The following EPHB2 variants were observed in gnomAD, a reference collection of about 807,000 sequenced individuals.
EPHB2 encodes ephrin type-B receptor 2.
EPHB2 carries 18 observed loss-of-function variants against 96.4 expected under a neutral mutation model. The ratio of observed to expected loss-of-function variants is 0.19; its 90% CI spans 0.13 to 0.28. EPHB2 has a LOEUF of 0.28. Ranked by LOEUF, EPHB2 falls within the 10% of genes least tolerant of loss-of-function variation. The pLI, the probability that EPHB2 is intolerant of heterozygous loss-of-function variation, is 1.00. For synonymous variants in EPHB2, 506 were observed against 534.1 expected (o/e 0.95, Z 0.72); for missense variants, 989 against 1,355.4 (o/e 0.73, Z 4.25).
At chr1:22,847,371 A>G (rs1022505619) in intron 3 of EPHB2, among the ~76,000 whole-genome samples, 1 of 152,206 alleles carries the variant, frequency 6.6e-6, no homozygotes, top group African/African-American at 2.4e-5. Flanking sequence ...GATAACTTAT[A>G]TGAAGCCTGG....
In EPHB2 at chr1:22,860,563, G is replaced by A. The variant is rs910343046; in HGVS notation, c.812-2474G>A. 5.3e-5 allele frequency among the ~76,000 whole-genome samples: 8 copies of A among 152,234 alleles called. No individual in the cohort carries two copies. The highest frequency in any genetic ancestry group is 1.7e-4 in the African/African-American group (7 of 41,534). On this transcript the variant is annotated intron_variant, in intron 3 of 15. Transcript: ENST00000374630. This position sits in a 1 kb window ranked among gnomAD's most constrained non-coding sequence, Gnocchi z 4.6. ...GGGCAGCCAGAAAGGCAGTCCAGATGGAGAGGCTGGCACCGCACAGAGGGG... is the reference window on the plus strand; with the variant it reads ...GGGCAGCCAGAAAGGCAGTCCAGATAGAGAGGCTGGCACCGCACAGAGGGG...
At chr1:22,766,575 C>T (rs1644310184) in intron 1 of EPHB2, among the ~76,000 whole-genome samples, 1 of 152,112 alleles carries the variant, frequency 6.6e-6, no homozygotes, top group South Asian at 2.1e-4. Flanking sequence ...TTACTATTCC[C>T]ATTTCCCAGA....
At chr1:22,843,778 T>A (rs1645502312) in intron 3 of EPHB2, among the ~76,000 whole-genome samples, 1 of 152,248 alleles carries the variant, frequency 6.6e-6, no homozygotes, top group South Asian at 2.1e-4. Context: ...TGACCTCAAG[T>A]GATCTGCCCA....
chr1:22,860,847 GAAGCTCTGGGC>G lies in EPHB2; in HGVS notation c.812-2188_812-2178del, dbSNP rs2148520916. ...GCAGCCTGCATGTCCTGACTGCCCA[GAAGCTCTGGGC>G]AGTGCCAAGATGGTGAGGCTGCCCC... On this transcript the variant is annotated intron_variant, in intron 3 of 15. Transcript: ENST00000374630. This position sits in a 1 kb window ranked among gnomAD's most constrained non-coding sequence, Gnocchi z 4.6. Among the ~76,000 whole-genome samples the G allele has an allele frequency of 6.6e-6, 1 of 152,258 alleles. No individual in the cohort carries two copies. Among genetic ancestry groups the G allele is most frequent in the Admixed American group, 6.5e-5 (1 of 15,300 alleles).
chr1:22,766,057 G>T (rs898666300), intron 1 of EPHB2, among the ~76,000 whole-genome samples: 3 of 152,192 alleles, frequency 2.0e-5, no homozygotes, highest in Non-Finnish European at 2.9e-5. Flanking sequence ...GCTGTAGCCA[G>T]TGGGAAATGG....
intron 2 of EPHB2, among the ~76,000 whole-genome samples, chr1:22,782,267 C>CT (rs767552314): frequency 2.0e-5 from 3 of 152,200 alleles, no homozygotes; most frequent in Non-Finnish European, 4.4e-5. Context: ...TGCAAAGTGT[C>CT]TAACACAATG....
At chr1:22,824,200 G>A (rs1282095417) in intron 3 of EPHB2, among the ~76,000 whole-genome samples, 1 of 151,894 alleles carries the variant, frequency 6.6e-6, no homozygotes, top group Non-Finnish European at 1.5e-5. Flanking sequence ...ATTTGTGAAT[G>A]CATGTGTAGA....
At chr1:22,732,513 C>T (rs1643740735) in intron 1 of EPHB2, among the ~76,000 whole-genome samples, 1 of 152,228 alleles carries the variant, frequency 6.6e-6, no homozygotes, top group South Asian at 2.1e-4. Context: ...CATATGACCT[C>T]ATTTCATTCC....
chr1:22,713,578 G>A (rs1049905839), intron 1 of EPHB2, among the ~76,000 whole-genome samples: 1 of 151,996 alleles, frequency 6.6e-6, no homozygotes, highest in Non-Finnish European at 1.5e-5. Flanking sequence ...GTGCACATTT[G>A]GGGGGCGGTG....
chr1:22,914,055 AC>A lies in EPHB2; in HGVS notation c.*487del. 1 of 732,042 alleles carries A rather than the reference AC, an allele frequency of 1.4e-6. No individual in the cohort carries two copies. Among genetic ancestry groups the A allele is most frequent in the Non-Finnish European group, 2.1e-6 (1 of 469,186 alleles). 45.3% of individuals were successfully genotyped at this position (732,042 alleles called of 1,614,324 possible). ...CTGCTCCTCTAGGCCTCACTCAACA[AC>A]CAAGCGCCTGGAGGACGGGACAGAT... On this transcript the variant is annotated 3_prime_UTR_variant, in exon 16 of 16. Transcript: ENST00000374630.
intron 1 of EPHB2, among the ~76,000 whole-genome samples, chr1:22,712,204 C>G (rs186909996): frequency 1.3e-5 from 2 of 152,316 alleles, no homozygotes; most frequent in African/African-American, 4.8e-5. Flanking sequence ...ATGATTCCTA[C>G]TTCTCTTGAA....
intron 5 of EPHB2, among the ~76,000 whole-genome samples, chr1:22,870,152 A>AGT (rs1441509396): frequency 6.6e-6 from 1 of 152,172 alleles, no homozygotes; most frequent in Non-Finnish European, 1.5e-5. Context: ...AAAAGGAAAA[A>AGT]GTGTTTCTTC....
At chr1:22,770,984 G>A (rs1283707124) in intron 1 of EPHB2, among the ~76,000 whole-genome samples, 1 of 152,162 alleles carries the variant, frequency 6.6e-6, no homozygotes, top group African/African-American at 2.4e-5. Flanking sequence ...ACAGCTCAGC[G>A]CAGTAAGTAC....
At chr1:22,905,539 A>G (rs1023708291) in intron 9 of EPHB2, among the ~76,000 whole-genome samples, 1 of 152,118 alleles carries the variant, frequency 6.6e-6, no homozygotes, top group African/African-American at 2.4e-5. Flanking sequence ...CCCAAAGACA[A>G]CACGGTCTAT....
intron 9 of EPHB2, among the ~76,000 whole-genome samples, chr1:22,903,800 T>C (rs1457254615): frequency 6.6e-6 from 1 of 152,196 alleles, no homozygotes; most frequent in Non-Finnish European, 1.5e-5. Flanking sequence ...GTCTGCTGTG[T>C]GCAGAGCTTT....
chr1:22,746,972 G>A (rs976496943), intron 1 of EPHB2, among the ~76,000 whole-genome samples: 1 of 152,222 alleles, frequency 6.6e-6, no homozygotes, highest in Admixed American at 6.5e-5. Context: ...TTTAAAGTCA[G>A]ATGAAATAAA....
At chr1:22,798,114 C>T (rs960309729) in intron 3 of EPHB2, among the ~76,000 whole-genome samples, 9 of 152,236 alleles carry the variant, frequency 5.9e-5, no homozygotes, top group African/African-American at 2.2e-4. Context: ...GTTTTGTTCA[C>T]CATTGTATTT....
Position 22,742,797 on chromosome 1 carries a change from T to C in EPHB2, c.61+31754T>C, listed in dbSNP as rs61581894. On this transcript the variant is annotated intron_variant, in intron 1 of 15. Coordinates refer to ENST00000374630, the MANE Select transcript of EPHB2 (RefSeq NM_017449.5). ...CAGACACCTGACTGACTTTCTTTTC[T>C]AAGTGCTTTGATGTCTTTCTGAGCA... 4.7e-3 allele frequency among the ~76,000 whole-genome samples: 707 copies of C among 152,000 alleles called. 5 individuals carry two copies. Among genetic ancestry groups the C allele is most frequent in the African/African-American group, 0.016 (657 of 41,468 alleles).
chr1:22,735,389 T>G (rs1643804742), intron 1 of EPHB2, among the ~76,000 whole-genome samples: 1 of 149,820 alleles, frequency 6.7e-6, no homozygotes, highest in Non-Finnish European at 1.5e-5. Flanking sequence ...TAGTGAGTCA[T>G]GGTCATGCCA....
Sources: allele counts gnomAD v4.1 joint callset (sites outside exome capture counted in the v4.1 genomes callset), GRCh38; gene constraint gnomAD v4.1.1; non-coding constraint Gnocchi (gnomAD v3.1); transcripts MANE v1.5; gene names NCBI Gene and HGNC (gene_info 2026-07-23, HGNC 2026-07-21).